Variants in RANBP2 observed in about 807,000 individuals in gnomAD.
RANBP2 encodes RAN binding protein 2, also known as E3 SUMO-protein ligase RanBP2.
RANBP2 carries 57 observed loss-of-function variants against 303.6 expected under a neutral mutation model. The observed-to-expected ratio is 0.19, with a 90% confidence interval of 0.15 to 0.23. RANBP2 has a LOEUF of 0.23. Ranked by LOEUF, RANBP2 falls within the 10% of genes least tolerant of loss-of-function variation. RANBP2 has a pLI of 1.00. For synonymous variants in RANBP2, 1,167 were observed against 1,301.5 expected, an observed-to-expected ratio of 0.90 and a Z score of 2.23; for missense variants, 3,138 against 3,780.8, an observed-to-expected ratio of 0.83 and a Z score of 4.46.
the RANBP2 span, among the ~76,000 whole-genome samples, chr2:108,832,903 T>G: frequency 6.6e-6 from 1 of 152,172 alleles, no homozygotes; most frequent in East Asian, 1.9e-4. Flanking sequence ...TACTGGCAAG[T>G]TTGAATGTCA....
At chr2:109,566,414 T>C in the RANBP2 span, among the ~76,000 whole-genome samples, 3 of 152,060 alleles carry the variant, frequency 2.0e-5, no homozygotes, top group African/African-American at 7.2e-5. Context: ...AGTGCTGGGA[T>C]TATAGGTGTG....
chr2:109,400,575 G>GCGCACA, the RANBP2 span, among the ~76,000 whole-genome samples: 2 of 147,090 alleles, frequency 1.4e-5, no homozygotes, highest in South Asian at 4.2e-4. Context: ...ACACCTGTGC[G>GCGCACA]CACACACACA....
the RANBP2 span, among the ~76,000 whole-genome samples, chr2:109,247,506 A>G: frequency 6.6e-6 from 1 of 152,126 alleles, no homozygotes; most frequent in Admixed American, 6.5e-5. Context: ...TTCCCACCTT[A>G]AGGCAGGCAT....
intron 1 of RANBP2, among the ~76,000 whole-genome samples, chr2:108,727,881 G>A (rs1292008682): frequency 2.0e-5 from 3 of 152,190 alleles, no homozygotes; most frequent in African/African-American, 7.2e-5. Context: ...GGGATTACAG[G>A]TGTGAGCCAC....
At chr2:109,376,462 T>C in the RANBP2 span, among the ~76,000 whole-genome samples, 2 of 152,288 alleles carry the variant, frequency 1.3e-5, no homozygotes, top group South Asian at 2.1e-4. Context: ...TTAGAAGGCA[T>C]GTTAGCAAAT....
At chr2:109,473,135 CATTAACTCAA>C in the RANBP2 span, among the ~76,000 whole-genome samples, 12 of 152,346 alleles carry the variant, frequency 7.9e-5, no homozygotes, top group East Asian at 1.5e-3. Flanking sequence ...CATTTAACAG[CATTAACTCAA>C]GTTAACTCTT....
At chr2:109,135,202 C>T in the RANBP2 span, among the ~76,000 whole-genome samples, 1 of 152,216 alleles carries the variant, frequency 6.6e-6, no homozygotes, top group African/African-American at 2.4e-5. Flanking sequence ...GCCCCAACCC[C>T]ATGTTTCTTG....
the RANBP2 span, among the ~76,000 whole-genome samples, chr2:109,531,825 C>A: frequency 6.6e-6 from 1 of 152,168 alleles, no homozygotes; most frequent in East Asian, 1.9e-4. Flanking sequence ...CAACAGATGG[C>A]GGAATCGAGG....
the RANBP2 span, among the ~76,000 whole-genome samples, chr2:108,909,426 G>T: frequency 6.6e-3 from 206 of 31,192 alleles, no homozygotes; most frequent in Non-Finnish European, 8.8e-3. Flanking sequence ...GGATCGATTG[G>T]AATGGCTTTG....
chr2:109,705,001 T>C, the RANBP2 span, among the ~76,000 whole-genome samples: 12 of 151,772 alleles, frequency 7.9e-5, no homozygotes, highest in East Asian at 2.3e-3. Flanking sequence ...TTTTGGCCAA[T>C]GATATTGGCA....
the RANBP2 span, among the ~76,000 whole-genome samples, chr2:109,171,463 C>T: frequency 1.3e-5 from 2 of 152,254 alleles, no homozygotes; most frequent in African/African-American, 2.4e-5. Flanking sequence ...CCCTCCTGCT[C>T]CACGCTTGCC....
the RANBP2 span, among the ~76,000 whole-genome samples, chr2:109,610,234 G>A: frequency 5.9e-5 from 9 of 152,090 alleles, no homozygotes; most frequent in Non-Finnish European, 1.2e-4. Context: ...GACTACAGGC[G>A]CATGCCACCA....
the RANBP2 span, among the ~76,000 whole-genome samples, chr2:109,117,368 C>T: frequency 6.6e-6 from 1 of 152,212 alleles, no homozygotes; most frequent in Non-Finnish European, 1.5e-5. Context: ...CTCACTGCCG[C>T]CTTGCAGTTT....
chr2:109,131,311 T>TG, the RANBP2 span, among the ~76,000 whole-genome samples: 3 of 152,194 alleles, frequency 2.0e-5, no homozygotes, highest in Admixed American at 6.5e-5. Flanking sequence ...GGGGGTCACT[T>TG]GGGGGGCACT....
chr2:109,098,334 A>T, the RANBP2 span, among the ~76,000 whole-genome samples: 1 of 152,156 alleles, frequency 6.6e-6, no homozygotes. Context: ...ACCAAACCCA[A>T]ACTAAGTTGT....
At chr2:109,018,936 C>G in the RANBP2 span, among the ~76,000 whole-genome samples, 9 of 152,356 alleles carry the variant, frequency 5.9e-5, no homozygotes, top group East Asian at 1.7e-3. Flanking sequence ...AGTGGTGACA[C>G]GTAGCATGCC....
At chr2:109,482,007 C>T in the RANBP2 span, among the ~76,000 whole-genome samples, 1 of 152,194 alleles carries the variant, frequency 6.6e-6, no homozygotes, top group Non-Finnish European at 1.5e-5. Flanking sequence ...GGATGCCTTC[C>T]AGTTACTGAA....
the RANBP2 span, among the ~76,000 whole-genome samples, chr2:108,930,592 T>C: frequency 0.7 from 106,075 of 152,020 alleles, 38,939 homozygotes; most frequent in Middle Eastern, 0.83. Flanking sequence ...TACAGTGGCT[T>C]CTCAGAACAC....
At chr2:109,427,771 G>A in the RANBP2 span, among the ~76,000 whole-genome samples, 1 of 152,234 alleles carries the variant, frequency 6.6e-6, no homozygotes, top group Non-Finnish European at 1.5e-5. Flanking sequence ...GGGATCCCAG[G>A]AAATCAGAAG....
Sources: allele counts gnomAD v4.1 joint callset (sites outside exome capture counted in the v4.1 genomes callset), GRCh38; gene constraint gnomAD v4.1.1; transcripts MANE v1.5; gene names NCBI Gene and HGNC (gene_info 2026-07-23, HGNC 2026-07-21).